ULK4: variants seen among roughly 807,000 people sequenced by gnomAD.
ULK4 encodes the protein inactive serine/threonine-protein kinase ULK4.
In ULK4, 133 loss-of-function variants were observed where a neutral mutation model predicts 160.6. The observed-to-expected ratio is 0.83, with a 90% CI of 0.72 to 0.96. The LOEUF (loss-of-function observed/expected upper bound fraction) is 0.96, where lower values mean the gene tolerates loss of function less well. Ranked by LOEUF, ULK4 falls within the 40% of genes least tolerant of loss-of-function variation. ULK4 has a pLI of 0.00. For missense variants in ULK4, 1,580 were observed against 1,499.5 expected (o/e 1.05, Z -0.89); for synonymous variants, 534 against 539.8 (o/e 0.99, Z 0.15).
chr3:41,761,258 T>C (rs1196512775), intron 21 of ULK4, among the ~76,000 whole-genome samples: 2 of 150,492 alleles, frequency 1.3e-5, no homozygotes, highest in Non-Finnish European at 3.0e-5. Flanking sequence ...TCATTATACA[T>C]AAATTTAAAA....
intron 32 of ULK4, among the ~76,000 whole-genome samples, chr3:41,493,981 G>T (rs952307916): frequency 6.7e-6 from 1 of 148,888 alleles, no homozygotes; most frequent in African/African-American, 2.5e-5. Flanking sequence ...TGGATTCACA[G>T]CCGAATTCTA....
At chr3:41,345,924 G>A (rs145540528) in intron 35 of ULK4, among the ~76,000 whole-genome samples, 180 of 152,220 alleles carry the variant, frequency 1.2e-3, no homozygotes, top group African/African-American at 4.0e-3. Context: ...AATTTGCAGG[G>A]GGGAGGTGAG....
chr3:41,472,550 C>T (rs1020994256), intron 32 of ULK4, among the ~76,000 whole-genome samples: 2 of 146,678 alleles, frequency 1.4e-5, no homozygotes, highest in African/African-American at 5.1e-5. Context: ...GCCTGGGTGA[C>T]AGAGTGGGAC....
intron 22 of ULK4, among the ~76,000 whole-genome samples, chr3:41,750,476 T>A (rs2038582881): frequency 6.6e-6 from 1 of 152,148 alleles, no homozygotes; most frequent in South Asian, 2.1e-4. Flanking sequence ...CACTCCATAT[T>A]TCTTACTGTT....
chr3:41,394,127 T>C (rs1036322314), intron 35 of ULK4, among the ~76,000 whole-genome samples: 4 of 152,022 alleles, frequency 2.6e-5, no homozygotes, highest in Non-Finnish European at 2.9e-5. Context: ...TCAGACACCA[T>C]CACATTCTGA....
intron 34 of ULK4, among the ~76,000 whole-genome samples, chr3:41,436,717 T>C (rs566462827): frequency 6.6e-6 from 1 of 152,146 alleles, no homozygotes; most frequent in Non-Finnish European, 1.5e-5. Context: ...AGCAACCACG[T>C]CCTTTCATAG....
intron 35 of ULK4, among the ~76,000 whole-genome samples, chr3:41,296,247 AT>A (rs1018673971): frequency 6.6e-6 from 1 of 152,146 alleles, no homozygotes; most frequent in African/African-American, 2.4e-5. Context: ...TTTTCTCTTC[AT>A]TTTTCTGTGA....
chr3:41,639,964 T>G (rs566403682), intron 30 of ULK4, among the ~76,000 whole-genome samples: 1 of 152,178 alleles, frequency 6.6e-6, no homozygotes, highest in Non-Finnish European at 1.5e-5. Context: ...AATGACAAAG[T>G]AGACTGACTG....
intron 32 of ULK4, among the ~76,000 whole-genome samples, chr3:41,516,033 A>G (rs1035701681): frequency 1.3e-5 from 2 of 152,100 alleles, no homozygotes; most frequent in African/African-American, 4.8e-5. Flanking sequence ...TTGTATGCTT[A>G]AAATTAATGC....
rs35693704 is a variant in ULK4 at position 41,703,834 on chromosome 3, GCACACACACA to G, written c.2781+1213_2781+1222del. ...TTTAAGTGAAGGATTTAATGCGCATGCACACACACACACACACACACACACACACACACAC... is the reference window on the plus strand; with the variant it reads ...TTTAAGTGAAGGATTTAATGCGCATGCACACACACACACACACACACACAC... On this transcript the variant is annotated intron_variant, in intron 27 of 36. Coordinates refer to ENST00000301831, the MANE Select transcript of ULK4 (RefSeq NM_017886.4). Among the ~76,000 whole-genome samples, 292 of 129,298 alleles carry G rather than the reference GCACACACACA, an allele frequency of 2.3e-3. 2 individuals are homozygous for G. The highest frequency in any genetic ancestry group is 9.4e-3 in the South Asian group (39 of 4,162). 84.8% of individuals were successfully genotyped at this position (129,298 alleles called of 152,430 possible).
rs534260346 is a variant in ULK4, at chr3:41,840,199, C to T, written c.1657-4228G>A. Among the ~76,000 whole-genome samples the T allele has an allele frequency of 7.9e-5, 12 of 152,274 alleles. No individual in the cohort carries two copies. The East Asian group carries it at 1.2e-3, about 15-fold the overall frequency. ...ATACCAACACTTTGGGAGGCCAATA[C>T]GGGAGGATGGCTTGAGTTCAGGTGT... On this transcript the variant is annotated intron_variant, in intron 17 of 36. Coordinates refer to ENST00000301831, the MANE Select transcript of ULK4 (RefSeq NM_017886.4).
At chr3:41,590,600 C>T (rs984356128) in intron 31 of ULK4, among the ~76,000 whole-genome samples, 1 of 151,412 alleles carries the variant, frequency 6.6e-6, no homozygotes, top group African/African-American at 2.4e-5. Context: ...CACGCCACTG[C>T]ACTCCAGCCT....
intron 18 of ULK4, among the ~76,000 whole-genome samples, chr3:41,824,192 A>G (rs1164239572): frequency 1.3e-5 from 2 of 149,786 alleles, no homozygotes; most frequent in East Asian, 3.9e-4. Flanking sequence ...AGGAGGAGCC[A>G]AGATAGCCAA....
chr3:41,806,302 T>A lies in ULK4; in HGVS notation c.1849-6009A>T, dbSNP rs1220163813. On this transcript the variant is annotated intron_variant, in intron 19 of 36. Coordinates refer to ENST00000301831, the MANE Select transcript of ULK4 (RefSeq NM_017886.4). The stretch of plus-strand genomic sequence containing the variant: ...TGTTTGTAGTATTCTCTGATGGTAG[T>A]TTGTATTTCTGTGGGATCGGTGGTG... 2.0e-5 allele frequency among the ~76,000 whole-genome samples: 3 copies of A among 151,938 alleles called. No homozygotes were observed. The East Asian group carries it at 5.8e-4, about 29-fold the overall frequency.
intron 17 of ULK4, among the ~76,000 whole-genome samples, chr3:41,847,865 G>A (rs914973072): frequency 3.9e-5 from 6 of 152,140 alleles, no homozygotes; most frequent in Non-Finnish European, 7.3e-5. Context: ...ACAAGTGTTG[G>A]TTAAAAAAGA....
intron 22 of ULK4, among the ~76,000 whole-genome samples, chr3:41,722,131 G>A (rs1359950494): frequency 1.3e-5 from 2 of 152,052 alleles, no homozygotes; most frequent in Non-Finnish European, 2.9e-5. Context: ...AAATGAATGC[G>A]GTAAATTCTC....
At chr3:41,796,892 G>A (rs945894609) in intron 20 of ULK4, among the ~76,000 whole-genome samples, 1 of 152,026 alleles carries the variant, frequency 6.6e-6, no homozygotes, top group African/African-American at 2.4e-5. Context: ...AGCCCAGAAC[G>A]GTACGTGGTA....
intron 19 of ULK4, among the ~76,000 whole-genome samples, chr3:41,815,423 T>C (rs188683453): frequency 1.1e-4 from 17 of 152,374 alleles, no homozygotes; most frequent in African/African-American, 3.8e-4. Context: ...TGTGAATACA[T>C]TTGTGAATTG....
At chr3:41,628,504 A>C (rs2033616613) in intron 30 of ULK4, among the ~76,000 whole-genome samples, 1 of 152,190 alleles carries the variant, frequency 6.6e-6, no homozygotes, top group Admixed American at 6.5e-5. Flanking sequence ...TCACGGAAAA[A>C]CATGAGACAA....
Sources: allele counts gnomAD v4.1 joint callset (sites outside exome capture counted in the v4.1 genomes callset), GRCh38; gene constraint gnomAD v4.1.1; transcripts MANE v1.5; gene names NCBI Gene and HGNC (gene_info 2026-07-23, HGNC 2026-07-21).